The following INTS14 variants were observed in gnomAD, a reference collection of about 807,000 sequenced individuals.
INTS14 encodes integrator complex subunit 14.
In INTS14, 27 loss-of-function variants were observed where a neutral mutation model predicts 56.9. The ratio of observed to expected loss-of-function variants is 0.47; its 90% confidence interval spans 0.35 to 0.65. The LOEUF (loss-of-function observed/expected upper bound fraction) is 0.65, where lower values mean the gene tolerates loss of function less well. Ranked by LOEUF, INTS14 falls within the 30% of genes least tolerant of loss-of-function variation. The pLI, the probability that INTS14 is intolerant of heterozygous loss-of-function variation, is 0.00. For synonymous variants in INTS14, 207 were observed against 236.2 expected (o/e 0.88, Z 1.13); for missense variants, 517 against 632.2 (o/e 0.82, Z 1.95).
At chr15:65,605,074 C>T (rs2073595474) in intron 3 of INTS14, 55 bp downstream of exon 3, 3 of 1,319,326 alleles carry the variant, frequency 2.3e-6, no homozygotes, top group Non-Finnish European at 1.1e-6. Context: ...AAAATCGAAG[C>T]ACCTCAGTGG....
chr15:65,582,013 C>A lies in INTS14; in HGVS notation c.1246G>T (p.Val416Leu). The change falls in exon 11 of 12, where the codon GTA becomes TTA. Residue 416 changes from valine (V) to leucine (L), a missense_variant. Val to Leu is a conservative substitution (Grantham distance 32). Coordinates refer to ENST00000313182, the MANE Select transcript of INTS14 (RefSeq NM_001394796.1). ...WIKPSGLQTDVQKILRNARKL... is the reference protein window; with the variant it reads ...WIKPSGLQTDLQKILRNARKL... ...CTTGCATTTCTTAAAATCTTCTGTA[C>A]ATCTGTCTATTAAGGGTAAAAAAAA... 6.2e-7 allele frequency: 1 copy of A among 1,605,698 alleles called. No individual in the cohort carries two copies.
intron 1 of INTS14, among the ~76,000 whole-genome samples, chr15:65,609,051 C>A (rs934667109): frequency 3.9e-5 from 6 of 152,162 alleles, no homozygotes; most frequent in African/African-American, 1.4e-4. Context: ...GCGCGAGTAG[C>A]CAGGACTACA....
Position 65,599,808 on chromosome 15 carries a change from T to A in INTS14, c.452A>T (p.Lys151Met). ...RFPLPFPFPSKLYIMCMANLE... is the reference protein window; with the variant it reads ...RFPLPFPFPSMLYIMCMANLE... ...ATTCGCCATGCACATGATATATAAC[T>A]TAGATGGGAAAGGAAAAGGTAGTGG... is the stretch of plus-strand genomic sequence containing the variant. The change falls in exon 4 of 12, where the codon AAG (lysine) becomes ATG (methionine). Residue 151 changes from lysine (K) to methionine (M), a missense_variant. Physicochemically the swap from Lys to Met is moderately conservative, Grantham distance 95 (BLOSUM62 -1). Coordinates refer to ENST00000313182, the MANE Select transcript of INTS14 (RefSeq NM_001394796.1). 6.2e-6 allele frequency: 10 copies of A among 1,614,092 alleles called. No homozygotes were observed. The highest frequency in any genetic ancestry group is 8.5e-6 in the Non-Finnish European group (10 of 1,180,002).
chr15:65,610,861 G>A (rs1327926759), intron 1 of INTS14: 14 of 1,522,878 alleles, frequency 9.2e-6, no homozygotes, highest in Non-Finnish European at 1.2e-5. Context: ...GCAGAGGGGA[G>A]CTGAGCAGAG....
At chr15:65,608,351 G>A (rs368879873) in intron 1 of INTS14, among the ~76,000 whole-genome samples, 1 of 115,444 alleles carries the variant, frequency 8.7e-6, no homozygotes, top group Non-Finnish European at 1.6e-5. Context: ...GGTGACAGAC[G>A]AAGGCTCCAT....
chr15:65,594,443 A>T (rs2073138102), intron 7 of INTS14, among the ~76,000 whole-genome samples: 3 of 148,102 alleles, frequency 2.0e-5, no homozygotes, highest in Non-Finnish European at 1.5e-5. Flanking sequence ...CTCAGGCTGG[A>T]GTGCAGTGGC....
rs763111996 is a variant in INTS14 at position 65,598,502 on chromosome 15, C to A, written c.606-39G>T. 8.2e-6 allele frequency: 13 copies of A among 1,587,608 alleles called. No homozygotes were observed. In the East Asian group the frequency reaches 2.7e-4, roughly 33 times the overall value. On this transcript the variant is annotated intron_variant, in intron 5 of 11. Transcript: ENST00000313182. ...ATTAATAGTTATAGGAAGAGTAATA[C>A]GATACATATGAAGTTAATTTTTCAG...
intron 11 of INTS14, among the ~76,000 whole-genome samples, chr15:65,580,854 A>G (rs1405396789): frequency 2.6e-5 from 4 of 152,170 alleles, no homozygotes; most frequent in South Asian, 2.1e-4. Flanking sequence ...CTCTTCACCA[A>G]TCGTTCTGGA....
chr15:65,600,144 A>G (rs117372815), intron 3 of INTS14, among the ~76,000 whole-genome samples: 1,828 of 151,806 alleles, frequency 0.012, 18 homozygotes, highest in Non-Finnish European at 0.017. Context: ...ATCTCTAAAA[A>G]AACTTAGAAA....
At chr15:65,604,957 C>T (rs2073591444) in intron 3 of INTS14, among the ~76,000 whole-genome samples, 172 bp downstream of exon 3, 1 of 152,150 alleles carries the variant, frequency 6.6e-6, no homozygotes, top group Non-Finnish European at 1.5e-5. Context: ...AACTTTGCTG[C>T]TTTCTGAACA....
intron 9 of INTS14, among the ~76,000 whole-genome samples, chr15:65,588,616 C>A (rs1457616760): frequency 6.6e-6 from 1 of 151,266 alleles, no homozygotes; most frequent in Non-Finnish European, 1.5e-5. Context: ...TGCAGTGAAC[C>A]AAGACTGCTC....
intron 9 of INTS14, among the ~76,000 whole-genome samples, chr15:65,589,628 C>T (rs546549226): frequency 4.3e-4 from 65 of 152,278 alleles, no homozygotes; most frequent in Middle Eastern, 3.4e-3. Flanking sequence ...GCCTATTCTC[C>T]TCTCCTCACT....
chr15:65,600,067 G>A, intron 3 of INTS14, 138 bp from the exon 4 acceptor site: 1 of 933,418 alleles, frequency 1.1e-6, no homozygotes, highest in South Asian at 1.9e-5. Flanking sequence ...CAGTGCTTTG[G>A]GAGGCCAAGG....
At chr15:65,599,977 T>C in intron 3 of INTS14, 48 bp from the exon 4 acceptor site, 1 of 1,579,448 alleles carries the variant, frequency 6.3e-7, no homozygotes, top group Non-Finnish European at 8.6e-7. Flanking sequence ...ATTACATATT[T>C]AACGCAGTCC....
intron 1 of INTS14, 32 bp from the exon 2 acceptor site, chr15:65,607,474 T>A: frequency 6.5e-7 from 1 of 1,539,996 alleles, no homozygotes. Flanking sequence ...TTACATGTCA[T>A]GGAGAGAAAA....
chr15:65,606,247 C>T (rs1257447601), intron 2 of INTS14, among the ~76,000 whole-genome samples: 1 of 123,818 alleles, frequency 8.1e-6, no homozygotes, highest in African/African-American at 3.2e-5. Flanking sequence ...AGCGAGACTC[C>T]GTCTCAAAAA....
intron 3 of INTS14, among the ~76,000 whole-genome samples, chr15:65,604,374 G>A (rs1379645859): frequency 2.6e-5 from 4 of 152,068 alleles, no homozygotes; most frequent in Admixed American, 2.0e-4. Flanking sequence ...GAGCCACCGC[G>A]CCTGGCTAGA....
intron 10 of INTS14, among the ~76,000 whole-genome samples, 154 bp downstream of exon 10, chr15:65,584,616 T>C (rs2072749113): frequency 6.6e-6 from 1 of 152,224 alleles, no homozygotes; most frequent in East Asian, 1.9e-4. Context: ...TGTTTTACTG[T>C]AGGGCATCTC....
rs1465229312 is a variant in INTS14, at chr15:65,595,724, G to A, written c.841+9C>T. The A allele has an allele frequency of 1.3e-6, 2 of 1,593,592 alleles. No homozygotes were observed. The highest frequency in any genetic ancestry group is 1.1e-5 in the South Asian group (1 of 87,662). On this transcript the variant is annotated intron_variant, in intron 7 of 11. Coordinates refer to ENST00000313182, the MANE Select transcript of INTS14 (RefSeq NM_001394796.1). Reference sequence around the variant, plus strand: ...ACGCTTCAGACGTATCAGTGGAATAGGAACTCACCTTTGTTAAGTGCTATA... The same window carrying A: ...ACGCTTCAGACGTATCAGTGGAATAAGAACTCACCTTTGTTAAGTGCTATA...
Sources: gnomAD v4.1 joint callset for allele counts (sites outside exome capture counted in the v4.1 genomes callset) on GRCh38, gnomAD v4.1.1 for gene constraint, MANE v1.5 for transcripts, NCBI Gene and HGNC (gene_info 2026-07-23, HGNC 2026-07-21) for gene names.